Variants in PSPC1 observed in about 807,000 individuals in gnomAD.
PSPC1 encodes the protein paraspeckle protein 1.
A neutral mutation model predicts 51.6 loss-of-function variants in PSPC1; 14 were observed. The observed-to-expected ratio is 0.27, with a 90% confidence interval of 0.18 to 0.42. The LOEUF is 0.42. PSPC1 is among the 10% of genes least tolerant of loss of function. The pLI is 1.00. For missense variants in PSPC1, 406 were observed against 701.1 expected (o/e 0.58, Z 4.75); for synonymous variants, 193 against 231.9 (o/e 0.83, Z 1.53).
At chr13:19,687,605 C>T (rs531976970) in intron 6 of PSPC1, among the ~76,000 whole-genome samples, 10 of 152,206 alleles carry the variant, frequency 6.6e-5, no homozygotes, top group African/African-American at 9.6e-5. Context: ...TTTAGCAGCA[C>T]CAAAATACCT....
In PSPC1 at chr13:19,741,669, C is replaced by T. The variant is rs769463800; in HGVS notation, c.968-20G>A. 2.6e-5 allele frequency: 39 copies of T among 1,478,344 alleles called. No individual in the cohort carries two copies. Among genetic ancestry groups the T allele is most frequent in the Non-Finnish European group, 5.6e-6 (6 of 1,080,904 alleles). The allele number at this position is 1,478,344 out of a possible 1,614,324, so 91.6% of individuals were successfully genotyped here. On this transcript the variant is annotated intron_variant, in intron 4 of 8. Transcript: ENST00000338910. ...TTAGATCTATAAAATAATGACTGCA[C>T]ATTAATATTTTTAGTTTCCCTTTCC... is the stretch of plus-strand genomic sequence containing the variant.
chr13:19,700,880 AAAATCTTCCTT>A (rs1243206732), downstream of PSPC1, among the ~76,000 whole-genome samples: 1 of 152,200 alleles, frequency 6.6e-6, no homozygotes, highest in Non-Finnish European at 1.5e-5. Context: ...ATGATATTCA[AAAATCTTCCTT>A]GGTATACTAA....
chr13:19,771,223 C>T (rs1357821140), intron 2 of PSPC1, among the ~76,000 whole-genome samples: 1 of 152,074 alleles, frequency 6.6e-6, no homozygotes, highest in Admixed American at 6.6e-5. Context: ...CTGCAACCTC[C>T]GCCCCCCGGG....
chr13:19,753,975 A>G (rs1886820074), intron 3 of PSPC1, among the ~76,000 whole-genome samples: 1 of 151,652 alleles, frequency 6.6e-6, no homozygotes, highest in South Asian at 2.1e-4. Context: ...TTTTTAAATT[A>G]TTTATTTTCT....
Position 19,782,819 on chromosome 13 carries a change from A to G in PSPC1, c.-62T>C. Reference sequence around the variant, plus strand: ...AGATTTATAGACAGTGTGTCTATATATATGTATACGTCTCTACATAAACCT... The same window carrying G: ...AGATTTATAGACAGTGTGTCTATATGTATGTATACGTCTCTACATAAACCT... On this transcript the variant is annotated 5_prime_UTR_variant, in exon 1 of 9. Transcript: ENST00000338910. This position sits in a 1 kb window ranked among gnomAD's most constrained non-coding sequence, Gnocchi z 4.5. 2 of 1,461,572 alleles carry G rather than the reference A, an allele frequency of 1.4e-6. No homozygotes were observed. The highest frequency in any genetic ancestry group is 1.4e-5 in the South Asian group (1 of 69,730). The allele number at this position is 1,461,572 out of a possible 1,614,324, so 90.5% of individuals were successfully genotyped here.
intron 6 of PSPC1, among the ~76,000 whole-genome samples, chr13:19,727,490 C>G (rs1883498354): frequency 6.6e-6 from 1 of 152,076 alleles, no homozygotes; most frequent in South Asian, 2.1e-4. Context: ...CCAAATATTT[C>G]ATAACTACAT....
At chr13:19,732,864 T>C (rs1593649917) in intron 5 of PSPC1, among the ~76,000 whole-genome samples, 1 of 151,240 alleles carries the variant, frequency 6.6e-6, no homozygotes, top group Admixed American at 6.6e-5. Flanking sequence ...GAGGCGGAGG[T>C]TGCAGAGAGC....
At chr13:19,758,495 C>T (rs1230877328) in intron 3 of PSPC1, among the ~76,000 whole-genome samples, 1 of 152,088 alleles carries the variant, frequency 6.6e-6, no homozygotes, top group Non-Finnish European at 1.5e-5. Context: ...CACCAAAAAT[C>T]TCCTTTTAAC....
intron 6 of PSPC1, among the ~76,000 whole-genome samples, chr13:19,713,738 A>G (rs1881742501): frequency 6.6e-6 from 1 of 152,164 alleles, no homozygotes; most frequent in Admixed American, 6.6e-5. Context: ...AGTATGACTA[A>G]TTCCCAGAAC....
chr13:19,766,701 G>A (rs951068119), intron 2 of PSPC1, among the ~76,000 whole-genome samples: 2 of 151,430 alleles, frequency 1.3e-5, no homozygotes, highest in East Asian at 1.9e-4. Context: ...ATAAGAAATC[G>A]TTAGTTAACT....
intron 1 of PSPC1, among the ~76,000 whole-genome samples, chr13:19,776,166 T>A (rs1417120061): frequency 1.3e-5 from 2 of 152,142 alleles, no homozygotes; most frequent in Non-Finnish European, 2.9e-5. Flanking sequence ...TTTGTCAAAA[T>A]TCACAAACCA....
chr13:19,741,817 C>T lies in PSPC1; in HGVS notation c.968-168G>A, dbSNP rs73437133. Among the ~76,000 whole-genome samples, 15,398 of 152,136 alleles carry T rather than the reference C, an allele frequency of 0.1. 901 individuals are homozygous for T. The highest frequency in any genetic ancestry group is 0.16 in the African/African-American group (6,756 of 41,508). On this transcript the variant is annotated intron_variant, in intron 4 of 8. Coordinates refer to ENST00000338910, the MANE Select transcript of PSPC1 (RefSeq NM_001354909.2). ...TATCCTTTCTGAGCACGTTTCTTCA[C>T]GTATATAAAAAAGAGTATTCAAGTT...
chr13:19,771,357 C>T (rs1017624199), intron 2 of PSPC1, among the ~76,000 whole-genome samples: 1 of 151,980 alleles, frequency 6.6e-6, no homozygotes, highest in Admixed American at 6.6e-5. Flanking sequence ...AGGCTGGTCT[C>T]GAACTCCTGA....
At chr13:19,765,404 GA>G (rs1887976578) in intron 2 of PSPC1, among the ~76,000 whole-genome samples, 1 of 147,350 alleles carries the variant, frequency 6.8e-6, no homozygotes, top group African/African-American at 2.5e-5. Context: ...TTATGATGGA[GA>G]AAAAATAAAA....
intron 7 of PSPC1, among the ~76,000 whole-genome samples, chr13:19,676,313 T>C (rs941487058): frequency 2.0e-5 from 3 of 152,192 alleles, no homozygotes; most frequent in African/African-American, 7.2e-5. Context: ...AAATTTCTGT[T>C]GCATAGGCTG....
chr13:19,694,318 A>G (rs1191117639), intron 6 of PSPC1, among the ~76,000 whole-genome samples: 1 of 152,036 alleles, frequency 6.6e-6, no homozygotes, highest in African/African-American at 2.4e-5. Context: ...TGACTAAATT[A>G]TTCTTCTAAG....
At chr13:19,768,227 C>G (rs1002743646) in intron 2 of PSPC1, among the ~76,000 whole-genome samples, 8 of 150,022 alleles carry the variant, frequency 5.3e-5, no homozygotes, top group East Asian at 2.0e-4. Context: ...CGTGTCCCCC[C>G]CCAAAAAAAT....
chr13:19,707,956 AT>A (rs1473414519), intron 7 of PSPC1, among the ~76,000 whole-genome samples: 2 of 152,190 alleles, frequency 1.3e-5, no homozygotes, highest in Admixed American at 6.5e-5. Context: ...CTTGGACATC[AT>A]TATACTCAAT....
At chr13:19,750,302 T>G (rs1886401555) in intron 4 of PSPC1, among the ~76,000 whole-genome samples, 1 of 151,942 alleles carries the variant, frequency 6.6e-6, no homozygotes. Context: ...CATTGTGGTG[T>G]GTGCCTGTAA....
Sources: allele counts gnomAD v4.1 joint callset (sites outside exome capture counted in the v4.1 genomes callset), GRCh38; gene constraint gnomAD v4.1.1; non-coding constraint Gnocchi (gnomAD v3.1); transcripts MANE v1.5; gene names NCBI Gene and HGNC (gene_info 2026-07-23, HGNC 2026-07-21).